Variants in XPR1 observed in about 807,000 individuals in gnomAD.
XPR1 encodes solute carrier family 53 member 1.
In XPR1, 28 loss-of-function variants were observed where a neutral mutation model predicts 87.5. That is an observed-to-expected ratio of 0.32 (90% CI 0.24 to 0.44). The LOEUF (loss-of-function observed/expected upper bound fraction) is 0.44, where lower values mean the gene tolerates loss of function less well. Among genes scored for constraint, XPR1 ranks in the 20% least tolerant of loss-of-function variants. XPR1 has a pLI of 1.00. For missense variants in XPR1, 559 were observed against 862.3 expected (o/e 0.65, Z 4.41); for synonymous variants, 300 against 306.1 (o/e 0.98, Z 0.21).
rs542375415 is a variant in XPR1 at position 180,814,740 on chromosome 1, A to T, written c.763+3252A>T. Among the ~76,000 whole-genome samples the T allele has an allele frequency of 7.9e-5, 12 of 152,334 alleles. No individual in the cohort carries two copies. In the South Asian group the frequency reaches 2.5e-3, roughly 32 times the overall value. ...TATACTGCAAGATAGAAGGTGTTAA[A>T]TTTTCTAAGCGGTTCAAAGAGACAA... is the stretch of plus-strand genomic sequence containing the variant. On this transcript the variant is annotated intron_variant, in intron 7 of 14. Coordinates refer to ENST00000367590, the MANE Select transcript of XPR1 (RefSeq NM_004736.4).
At chr1:180,634,637 G>A (rs937896224) in intron 1 of XPR1, among the ~76,000 whole-genome samples, 1 of 152,098 alleles carries the variant, frequency 6.6e-6, no homozygotes, top group Non-Finnish European at 1.5e-5. Context: ...CAGATGCTGG[G>A]ATTTGTTTTT....
At chr1:180,780,181 A>G (rs1460242517) in intron 2 of XPR1, among the ~76,000 whole-genome samples, 1 of 152,214 alleles carries the variant, frequency 6.6e-6, no homozygotes, top group Non-Finnish European at 1.5e-5. Context: ...TGTACCTAGA[A>G]GTAGAATTGT....
chr1:180,674,003 A>T (rs565846526), intron 1 of XPR1, among the ~76,000 whole-genome samples: 6 of 152,348 alleles, frequency 3.9e-5, no homozygotes, highest in African/African-American at 1.4e-4. Flanking sequence ...CAACATTGTG[A>T]TGTAAGTTTT....
At chr1:180,826,121 T>C (rs759988730) in intron 9 of XPR1, among the ~76,000 whole-genome samples, 2 of 152,210 alleles carry the variant, frequency 1.3e-5, no homozygotes, top group African/African-American at 2.4e-5. Context: ...CCACTTTACC[T>C]GTCTCTTAAT....
chr1:180,693,021 A>C (rs1162392762), intron 2 of XPR1, among the ~76,000 whole-genome samples: 5 of 152,196 alleles, frequency 3.3e-5, no homozygotes, highest in African/African-American at 1.2e-4. Flanking sequence ...TTTATTGTCA[A>C]GTTTGAGAGA....
In XPR1 at chr1:180,885,154, C is replaced by T. The variant is rs1652974021; in HGVS notation, c.*1088C>T. 6.6e-6 allele frequency: 1 copy of T among 152,520 alleles called. No homozygotes were observed. The highest frequency in any genetic ancestry group is 1.5e-5 in the Non-Finnish European group (1 of 68,022). 9.4% of individuals were successfully genotyped at this position (152,520 alleles called of 1,614,324 possible). A position where few individuals can be genotyped will look rare whatever the true frequency, so the allele number is the denominator to read the frequency against. Reference sequence around the variant, plus strand: ...GAGCTATTTCAGAGGCTCTGTGTGCCCTCACTAGATAGTTTTTCTTCTGGG... The same window carrying T: ...GAGCTATTTCAGAGGCTCTGTGTGCTCTCACTAGATAGTTTTTCTTCTGGG... On this transcript the variant is annotated 3_prime_UTR_variant, in exon 15 of 15. Transcript: ENST00000367590.
At chr1:180,840,423 C>G (rs1461866771) in intron 11 of XPR1, among the ~76,000 whole-genome samples, 1 of 151,698 alleles carries the variant, frequency 6.6e-6, no homozygotes, top group East Asian at 1.9e-4. Flanking sequence ...TCAAAATAAT[C>G]CTTATGCCAA....
intron 2 of XPR1, among the ~76,000 whole-genome samples, chr1:180,767,759 A>T (rs1437881165): frequency 6.6e-6 from 1 of 152,212 alleles, no homozygotes; most frequent in East Asian, 1.9e-4. Flanking sequence ...AATAGAAAAA[A>T]TACGCCAGTA....
intron 2 of XPR1, among the ~76,000 whole-genome samples, chr1:180,684,631 T>C (rs1261063883): frequency 6.6e-6 from 1 of 152,146 alleles, no homozygotes; most frequent in Admixed American, 6.5e-5. Context: ...CATGGAATGT[T>C]CTTCCATTTT....
At chr1:180,774,237 A>G (rs1014773744) in intron 2 of XPR1, among the ~76,000 whole-genome samples, 2 of 152,124 alleles carry the variant, frequency 1.3e-5, no homozygotes, top group Non-Finnish European at 2.9e-5. Flanking sequence ...TTATTTGGTT[A>G]TGTTGCTGTG....
rs914289821 is a variant in XPR1, at chr1:180,887,234, A to C, written c.*3168A>C. 1 of 152,196 alleles carries C rather than the reference A, an allele frequency of 6.6e-6. No homozygotes were observed. Among genetic ancestry groups the C allele is most frequent in the African/African-American group, 2.4e-5 (1 of 41,440 alleles). The allele number at this position is 152,196 out of a possible 1,614,324, so 9.4% of individuals were successfully genotyped here. ...TTTTAAAGGAGCAGCAACCTAACCA[A>C]ATACAAACTTCATTTGATTTTAGGT... On this transcript the variant is annotated 3_prime_UTR_variant, in exon 15 of 15. Transcript: ENST00000367590.
chr1:180,781,263 G>A (rs933828543), intron 2 of XPR1, among the ~76,000 whole-genome samples: 1 of 151,738 alleles, frequency 6.6e-6, no homozygotes, highest in African/African-American at 2.4e-5. Context: ...AGCACATACT[G>A]TGTACCAGAC....
chr1:180,810,928 G>A (rs1650188546), intron 6 of XPR1, among the ~76,000 whole-genome samples: 1 of 151,812 alleles, frequency 6.6e-6, no homozygotes, highest in Non-Finnish European at 1.5e-5. Flanking sequence ...TTATAAAATG[G>A]CATACTATTG....
chr1:180,826,732 C>G (rs906623700), intron 9 of XPR1, among the ~76,000 whole-genome samples: 1 of 152,088 alleles, frequency 6.6e-6, no homozygotes, highest in African/African-American at 2.4e-5. Flanking sequence ...AAGTATACGT[C>G]CTTGAAAACT....
chr1:180,848,922 A>G (rs983638679), intron 11 of XPR1, among the ~76,000 whole-genome samples: 4 of 152,194 alleles, frequency 2.6e-5, no homozygotes, highest in African/African-American at 9.6e-5. Context: ...AAATGTTACC[A>G]TATCACTAAA....
chr1:180,701,895 A>G (rs1657346115), intron 2 of XPR1, among the ~76,000 whole-genome samples: 1 of 126,812 alleles, frequency 7.9e-6, no homozygotes, highest in Non-Finnish European at 1.6e-5. Flanking sequence ...CAGCTCCTGG[A>G]TTCATTGATT....
chr1:180,811,463 A>C lies in XPR1; in HGVS notation c.738A>C (p.Val246=), dbSNP rs1469657401. The change falls in exon 7 of 15, where the codon GTA becomes GTC. Residue 246 remains valine (V), a synonymous_variant. Transcript: ENST00000367590. ...GCCTATTTTGTGGAATATTCATTGT[A>C]CTGAATATTACCCTTGTGCTTGCCG... ...RVGLFCGIFI[V]LNITLVLAAV... 6.2e-7 allele frequency: 1 copy of C among 1,613,290 alleles called. No individual in the cohort carries two copies. The highest frequency in any genetic ancestry group is 1.1e-5 in the South Asian group (1 of 90,904).
intron 12 of XPR1, among the ~76,000 whole-genome samples, chr1:180,864,670 A>C (rs994933311): frequency 5.3e-5 from 8 of 152,274 alleles, no homozygotes; most frequent in African/African-American, 1.9e-4. Flanking sequence ...TTATTTTAGG[A>C]TTTTTTCTAT....
intron 6 of XPR1, among the ~76,000 whole-genome samples, chr1:180,809,317 G>A (rs183651141): frequency 9.8e-4 from 149 of 152,228 alleles, no homozygotes; most frequent in African/African-American, 3.3e-3. Flanking sequence ...CTTGGGAGTC[G>A]TGGATATGTT....
Sources: gnomAD v4.1 joint callset for allele counts (sites outside exome capture counted in the v4.1 genomes callset) on GRCh38, gnomAD v4.1.1 for gene constraint, MANE v1.5 for transcripts, NCBI Gene and HGNC (gene_info 2026-07-23, HGNC 2026-07-21) for gene names.